The following SERPINB7 variants were observed in gnomAD, a reference collection of about 807,000 sequenced individuals.
SERPINB7 encodes the protein serpin family B member 7.
Under a neutral mutation model 37.4 loss-of-function variants are expected in SERPINB7, and 31 were observed. That is an observed-to-expected ratio of 0.83 (90% CI 0.62 to 1.12). The LOEUF (loss-of-function observed/expected upper bound fraction) is 1.12. Among genes scored for constraint, SERPINB7 ranks in the 50% most tolerant of loss-of-function variants. The pLI, the probability that SERPINB7 is intolerant of heterozygous loss-of-function variation, is 0.00. For synonymous variants in SERPINB7, 163 were observed against 166.1 expected (o/e 0.98, Z 0.14); for missense variants, 521 against 455.3 (o/e 1.14, Z -1.31).
At chr18:63,767,408 C>T (rs2049186524) in intron 1 of SERPINB7, among the ~76,000 whole-genome samples, 1 of 152,138 alleles carries the variant, frequency 6.6e-6, no homozygotes, top group South Asian at 2.1e-4. Flanking sequence ...GAATTCTGTT[C>T]TTCCCAGATC....
rs200301231 is a variant in SERPINB7, at chr18:63,798,598, C to A, written c.455-6C>A. On this transcript the variant is annotated splice_region_variant and splice_polypyrimidine_tract_variant and intron_variant, in intron 5 of 7. Transcript: ENST00000398019. ...AACATTTTTCCCTCAATTTTTTTTTCAAAAGGCAAAATCAAGAACGTGATT... is the reference window on the plus strand; with the variant it reads ...AACATTTTTCCCTCAATTTTTTTTTAAAAAGGCAAAATCAAGAACGTGATT... The A allele has an allele frequency of 6.9e-7, 1 of 1,442,892 alleles. No individual in the cohort carries two copies. The highest frequency in any genetic ancestry group is 1.6e-5 in the South Asian group (1 of 62,842). 89.4% of individuals were successfully genotyped at this position (1,442,892 alleles called of 1,614,324 possible). A position where few individuals can be genotyped will look rare whatever the true frequency, so the allele number is the denominator to read the frequency against.
At chr18:63,778,818 A>G (rs1311812200) in intron 1 of SERPINB7, among the ~76,000 whole-genome samples, 2 of 152,174 alleles carry the variant, frequency 1.3e-5, no homozygotes, top group Admixed American at 6.6e-5. Context: ...TCAGGCTGCC[A>G]TGGACTTTTA....
chr18:63,767,200 C>T (rs1296409128), intron 1 of SERPINB7, among the ~76,000 whole-genome samples: 3 of 152,104 alleles, frequency 2.0e-5, no homozygotes, highest in South Asian at 4.1e-4. Context: ...CTCACACATT[C>T]GCCGAACTTT....
intron 2 of SERPINB7, among the ~76,000 whole-genome samples, chr18:63,788,344 C>CA (rs955757516): frequency 6.6e-6 from 1 of 151,704 alleles, no homozygotes; most frequent in African/African-American, 2.4e-5. Context: ...TACTTATTCA[C>CA]AAAAAAGTTT....
chr18:63,772,437 T>C (rs991706427), upstream of SERPINB7, among the ~76,000 whole-genome samples: 2 of 152,094 alleles, frequency 1.3e-5, no homozygotes, highest in Admixed American at 6.6e-5. Flanking sequence ...GAAAATTAGA[T>C]ACATCATTTA....
At chr18:63,800,390 T>C (rs945638535) in intron 6 of SERPINB7, among the ~76,000 whole-genome samples, 1 of 152,130 alleles carries the variant, frequency 6.6e-6, no homozygotes, top group Admixed American at 6.5e-5. Flanking sequence ...TTAGTACTAG[T>C]CTGTGTTTTA....
chr18:63,804,508 C>A lies in SERPINB7; in HGVS notation c.1016C>A (p.Ala339Asp). Residue 339 changes from alanine to aspartate, a missense_variant, in exon 8 of 8, where the codon GCC becomes GAC. Transcript: ENST00000398019. ...VTEEGTEATA[A>D]TGSNIVEKQL... is the part of the protein sequence containing the mutation. ...GAGGAGGGCACCGAGGCTACTGCTGCCACAGGAAGTAATATTGTAGAAAAG... is the reference window on the plus strand; with the variant it reads ...GAGGAGGGCACCGAGGCTACTGCTGACACAGGAAGTAATATTGTAGAAAAG... 6 of 1,613,782 alleles carry A rather than the reference C, an allele frequency of 3.7e-6. No homozygotes were observed. The highest frequency in any genetic ancestry group is 5.1e-6 in the Non-Finnish European group (6 of 1,179,868).
chr18:63,760,812 T>C (rs574543153), intron 1 of SERPINB7, among the ~76,000 whole-genome samples: 5 of 152,356 alleles, frequency 3.3e-5, no homozygotes, highest in Admixed American at 6.5e-5. Context: ...AAGTCAAGAA[T>C]TGAGGTTTGG....
chr18:63,783,271 AAAGAAAG>A, intron 2 of SERPINB7, among the ~76,000 whole-genome samples: 1 of 147,828 alleles, frequency 6.8e-6, no homozygotes, highest in Non-Finnish European at 1.5e-5. Flanking sequence ...AGAAAGAAAG[AAAGAAAG>A]AAAGAAAGAA....
intron 1 of SERPINB7, among the ~76,000 whole-genome samples, chr18:63,776,346 C>T (rs955992872): frequency 5.9e-5 from 9 of 151,960 alleles, no homozygotes; most frequent in Non-Finnish European, 1.3e-4. Flanking sequence ...GCAGTTATAT[C>T]CGTGGCTTAG....
intron 6 of SERPINB7, 136 bp downstream of exon 6, chr18:63,798,882 G>A (rs2049518059): frequency 9.1e-6 from 8 of 881,848 alleles, no homozygotes; most frequent in Non-Finnish European, 1.2e-5. Flanking sequence ...AATATCATAT[G>A]GTCAGTTGCT....
At chr18:63,802,662 T>C (rs1178628537) in intron 7 of SERPINB7, among the ~76,000 whole-genome samples, 1 of 152,210 alleles carries the variant, frequency 6.6e-6, no homozygotes, top group Non-Finnish European at 1.5e-5. Context: ...TAAAAGTATT[T>C]GTTTTGTTTT....
Position 63,777,605 on chromosome 18 carries a change from T to C in SERPINB7, c.-19+1889T>C, listed in dbSNP as rs188490975. On this transcript the variant is annotated intron_variant, in intron 1 of 7. Coordinates refer to ENST00000398019, the MANE Select transcript of SERPINB7 (RefSeq NM_003784.4). ...CATTAAAAATATCTATTTGACTACT[T>C]TGAATTAGAGCTATAGCTAATATTC... Among the ~76,000 whole-genome samples, 447 of 152,236 alleles carry C rather than the reference T, an allele frequency of 2.9e-3. 1 individual carries two copies. The highest frequency in any genetic ancestry group is 0.01 in the African/African-American group (432 of 41,560).
intron 1 of SERPINB7, among the ~76,000 whole-genome samples, chr18:63,756,436 T>A (rs1390661967): frequency 6.6e-6 from 1 of 152,162 alleles, no homozygotes; most frequent in Non-Finnish European, 1.5e-5. Context: ...TTGTGAGTGG[T>A]TTAGTTCCAG....
At chr18:63,759,748 A>G (rs1458264769) in intron 1 of SERPINB7, among the ~76,000 whole-genome samples, 1 of 152,168 alleles carries the variant, frequency 6.6e-6, no homozygotes, top group Non-Finnish European at 1.5e-5. Context: ...TATTCTTGTC[A>G]TAGTGAGTAA....
chr18:63,791,530 A>G (rs2049427012), intron 2 of SERPINB7, among the ~76,000 whole-genome samples: 1 of 152,198 alleles, frequency 6.6e-6, no homozygotes, highest in South Asian at 2.1e-4. Context: ...TATTGGCCCA[A>G]ATGTTAAAAT....
intron 2 of SERPINB7, among the ~76,000 whole-genome samples, chr18:63,786,126 T>C (rs1436583343): frequency 1.5e-5 from 2 of 129,640 alleles, no homozygotes; most frequent in African/African-American, 5.9e-5. Flanking sequence ...TGTATATATA[T>C]ACGTATATAC....
chr18:63,779,323 T>C lies in SERPINB7; in HGVS notation c.-18-3032T>C, dbSNP rs374672602. Among the ~76,000 whole-genome samples, 52 of 152,270 alleles carry C rather than the reference T, an allele frequency of 3.4e-4. 1 individual carries two copies. The South Asian group carries it at 1.0e-2, about 29-fold the overall frequency. ...GTCACCTGATGAAAACTTGGAGGTA[T>C]AAAACAATCAGTTCAGTCTTAAATA... On this transcript the variant is annotated intron_variant, in intron 1 of 7. Transcript: ENST00000398019.
intron 1 of SERPINB7, among the ~76,000 whole-genome samples, chr18:63,755,238 G>A (rs992950987): frequency 1.3e-5 from 2 of 152,082 alleles, no homozygotes; most frequent in African/African-American, 4.8e-5. Flanking sequence ...GGTGTTTCAG[G>A]CTATAGTTAG....
Sources: allele counts gnomAD v4.1 joint callset (sites outside exome capture counted in the v4.1 genomes callset), GRCh38; gene constraint gnomAD v4.1.1; transcripts MANE v1.5; gene names NCBI Gene and HGNC (gene_info 2026-07-23, HGNC 2026-07-21).